The following CEP350 variants were observed in gnomAD, a reference collection of about 807,000 sequenced individuals.
CEP350 encodes the protein centrosome-associated protein 350.
CEP350 carries 126 observed loss-of-function variants against 331.8 expected under a neutral mutation model. The ratio of observed to expected loss-of-function variants is 0.38; its 90% CI spans 0.33 to 0.44. The LOEUF (loss-of-function observed/expected upper bound fraction) is 0.44, where lower values mean the gene tolerates loss of function less well. Ranked by LOEUF, CEP350 falls within the 20% of genes least tolerant of loss-of-function variation. The probability of loss-of-function intolerance (pLI) is 1.00; values close to 1 mark genes in which losing one functional copy is unlikely to be tolerated. For synonymous variants in CEP350, 1,200 were observed against 1,259.5 expected (o/e 0.95, Z 1.00); for missense variants, 3,406 against 3,634.6 (o/e 0.94, Z 1.62).
intron 14 of CEP350, among the ~76,000 whole-genome samples, chr1:180,030,843 T>A (rs16855144): frequency 0.03 from 4,560 of 152,150 alleles, 119 homozygotes; most frequent in South Asian, 0.071. Flanking sequence ...TTAAGATATA[T>A]TCCTATGAGT....
intron 32 of CEP350, among the ~76,000 whole-genome samples, chr1:180,089,853 C>T (rs1005429131): frequency 6.6e-6 from 1 of 152,034 alleles, no homozygotes; most frequent in Non-Finnish European, 1.5e-5. Context: ...CCATAAATCA[C>T]CCAGAGGAGA....
intron 37 of CEP350, among the ~76,000 whole-genome samples, chr1:180,099,898 G>A (rs1660704007): frequency 6.7e-6 from 1 of 149,884 alleles, no homozygotes; most frequent in African/African-American, 2.5e-5. Flanking sequence ...TGATTCTCAT[G>A]CCTCAACCTC....
chr1:180,020,627 A>G lies in CEP350; in HGVS notation c.2853A>G (p.Leu951=), dbSNP rs1358098374. The G allele has an allele frequency of 3.1e-6, 5 of 1,613,878 alleles. No individual in the cohort carries two copies. The highest frequency in any genetic ancestry group is 4.2e-6 in the Non-Finnish European group (5 of 1,179,900). Reference sequence around the variant, plus strand: ...AACCAGAAGGGCTACTGGCACAGTTATGTAAAAGGCAGACTGACTCTTCTA... The same window carrying G: ...AACCAGAAGGGCTACTGGCACAGTTGTGTAAAAGGCAGACTGACTCTTCTA... ...GPKPEGLLAQ[L]CKRQTDSSSS... Residue 951 remains leucine (L), a synonymous_variant, in exon 12 of 38, where the codon TTA becomes TTG. Coordinates refer to ENST00000367607, the MANE Select transcript of CEP350 (RefSeq NM_014810.5).
chr1:179,995,431 C>T (rs948693397), intron 5 of CEP350, among the ~76,000 whole-genome samples: 1 of 152,048 alleles, frequency 6.6e-6, no homozygotes, highest in Non-Finnish European at 1.5e-5. Context: ...ATGGTGAAAC[C>T]CTGTCTGTAC....
chr1:180,001,174 C>T (rs746363567), intron 6 of CEP350, among the ~76,000 whole-genome samples: 9 of 152,144 alleles, frequency 5.9e-5, no homozygotes, highest in Non-Finnish European at 1.2e-4. Context: ...AATCTTTATA[C>T]TACTTTGGTT....
At chr1:180,075,461 C>T (rs907662739) in intron 28 of CEP350, among the ~76,000 whole-genome samples, 9 of 151,954 alleles carry the variant, frequency 5.9e-5, no homozygotes, top group African/African-American at 2.2e-4. Context: ...TGGTACATGC[C>T]TATAGTCCTA....
intron 25 of CEP350, among the ~76,000 whole-genome samples, chr1:180,056,070 T>C (rs1657821557): frequency 6.6e-6 from 1 of 152,182 alleles, no homozygotes; most frequent in African/African-American, 2.4e-5. Context: ...TATAAAATTT[T>C]TCATTTTGAT....
intron 32 of CEP350, among the ~76,000 whole-genome samples, chr1:180,089,381 G>A (rs537244778): frequency 1.2e-3 from 177 of 152,050 alleles, no homozygotes; most frequent in Non-Finnish European, 2.0e-3. Flanking sequence ...TCAGGAGTTC[G>A]AGACTAGCCT....
At chr1:180,080,210 G>A (rs571220609) in intron 29 of CEP350, among the ~76,000 whole-genome samples, 13 of 151,894 alleles carry the variant, frequency 8.6e-5, no homozygotes, top group Non-Finnish European at 1.2e-4. Context: ...GGAGGGGGGC[G>A]GTAAATATTA....
At position 180,012,075 on chromosome 1, in the gene CEP350, G is replaced by C. The variant is rs558117823; in HGVS notation, c.1393G>C (p.Gly465Arg). ...TGGAAGAGAAAGAACTGCTAAATCT[G>C]GTAAGTAGCTATAATTAAAATAGTT... ...RGGRERTAKS[G>R]GHIGRAESDP... The change falls in exon 9 of 38, where the codon GGG (glycine) becomes CGG (arginine). Residue 465 changes from glycine (G) to arginine (R), a missense_variant and splice_region_variant. Transcript: ENST00000367607. 6 of 1,543,220 alleles carry C rather than the reference G, an allele frequency of 3.9e-6. No homozygotes were observed. The East Asian group carries it at 1.2e-4, about 31-fold the overall frequency.
intron 27 of CEP350, among the ~76,000 whole-genome samples, chr1:180,067,768 T>C (rs1658631241): frequency 6.6e-6 from 1 of 152,238 alleles, no homozygotes; most frequent in Non-Finnish European, 1.5e-5. Flanking sequence ...TATTGTTATA[T>C]ACTATTTTTT....
chr1:180,043,375 A>G (rs901891803), intron 20 of CEP350, among the ~76,000 whole-genome samples, 183 bp downstream of exon 20: 3 of 152,228 alleles, frequency 2.0e-5, no homozygotes, highest in African/African-American at 7.2e-5. Context: ...ATGAATACTT[A>G]TACACTGATT....
chr1:180,001,988 A>G (rs1653893531), intron 6 of CEP350, among the ~76,000 whole-genome samples: 1 of 152,246 alleles, frequency 6.6e-6, no homozygotes, highest in Non-Finnish European at 1.5e-5. Flanking sequence ...CTAATTATAC[A>G]TTCCTCTTTT....
In CEP350 at chr1:179,955,060, C is replaced by A; in HGVS notation, c.-96C>A. 1 of 1,410,846 alleles carries A rather than the reference C, an allele frequency of 7.1e-7. No homozygotes were observed. Among genetic ancestry groups the A allele is most frequent in the Non-Finnish European group, 9.2e-7 (1 of 1,084,202 alleles). 87.4% of individuals were successfully genotyped at this position (1,410,846 alleles called of 1,614,324 possible). A position where few individuals can be genotyped will look rare whatever the true frequency, so the allele number is the denominator to read the frequency against. On this transcript the variant is annotated 5_prime_UTR_variant, in exon 1 of 38. Transcript: ENST00000367607. The stretch of plus-strand genomic sequence containing the variant: ...GAGGCCAGGCCGGGCAGCCCTGGGG[C>A]CGGTCGGGGCGGCGTCACTGCACCC...
intron 34 of CEP350, 59 bp downstream of exon 34, chr1:180,094,675 C>A (rs1031812323): frequency 6.6e-7 from 1 of 1,516,202 alleles, no homozygotes; most frequent in Non-Finnish European, 8.9e-7. Context: ...AACAAGGCAA[C>A]TTACCTTGCC....
rs565570954 is a variant in CEP350, at chr1:179,968,609, A to G, written c.-14+13467A>G. The G allele has an allele frequency of 1.4e-3, 488 of 357,732 alleles. 8 individuals carry two copies. The highest frequency in any genetic ancestry group is 0.011 in the South Asian group (474 of 44,390). The allele number at this position is 357,732 out of a possible 1,614,324, so 22.2% of individuals were successfully genotyped here. On this transcript the variant is annotated intron_variant, in intron 1 of 37. Coordinates refer to ENST00000367607, the MANE Select transcript of CEP350 (RefSeq NM_014810.5). ...AATTATCTTGCTTTCCACGCTACCCAGAGAGGGGTGCATACAGTGTTGTTC... is the reference window on the plus strand; with the variant it reads ...AATTATCTTGCTTTCCACGCTACCCGGAGAGGGGTGCATACAGTGTTGTTC...
chr1:180,065,977 A>C (rs574173711), intron 27 of CEP350, among the ~76,000 whole-genome samples: 1 of 152,278 alleles, frequency 6.6e-6, no homozygotes, highest in South Asian at 2.1e-4. Context: ...AGGCTTATTC[A>C]AATAGATGAA....
chr1:180,087,787 G>A, intron 32 of CEP350, 70 bp downstream of exon 32: 3 of 1,321,716 alleles, frequency 2.3e-6, no homozygotes, highest in Non-Finnish European at 2.9e-6. Flanking sequence ...ATTTTCAGTA[G>A]AAGTTACCCT....
At chr1:180,043,830 T>C (rs1427888394) in intron 20 of CEP350, among the ~76,000 whole-genome samples, 1 of 151,962 alleles carries the variant, frequency 6.6e-6, no homozygotes, top group Non-Finnish European at 1.5e-5. Context: ...TTTGACTGTC[T>C]CTAATTCATA....
Sources: allele counts gnomAD v4.1 joint callset (sites outside exome capture counted in the v4.1 genomes callset), GRCh38; gene constraint gnomAD v4.1.1; transcripts MANE v1.5; gene names NCBI Gene and HGNC (gene_info 2026-07-23, HGNC 2026-07-21).